Variants in GOLM2 observed in about 807,000 individuals in gnomAD.
GOLM2 encodes protein GOLM2.
A neutral mutation model predicts 55.9 loss-of-function variants in GOLM2; 26 were observed. The observed-to-expected ratio is 0.47, with a 90% CI of 0.34 to 0.65. The LOEUF (loss-of-function observed/expected upper bound fraction) is 0.65, where lower values mean the gene tolerates loss of function less well. Among genes scored for constraint, GOLM2 ranks in the 30% least tolerant of loss-of-function variants. The pLI is 0.01. For missense variants in GOLM2, 486 were observed against 531.8 expected (o/e 0.91, Z 0.85); for synonymous variants, 165 against 194.6 (o/e 0.85, Z 1.27).
At chr15:44,408,974 GCAAA>G (rs1162939974) in intron 9 of GOLM2, among the ~76,000 whole-genome samples, 1 of 151,256 alleles carries the variant, frequency 6.6e-6, no homozygotes, top group Non-Finnish European at 1.5e-5. Flanking sequence ...AAACAAACAA[GCAAA>G]CAAACAAATC....
Position 44,379,792 on chromosome 15 carries a change from T to G in GOLM2, c.901+4T>G. On this transcript the variant is annotated splice_donor_region_variant and intron_variant, in intron 7 of 9. Transcript: ENST00000299957. Reference sequence around the variant, plus strand: ...CTCTCCCCAAATATGCCTCCAGGTATGAAGGCTTATGCTTATAATTCCATT... The same window carrying G: ...CTCTCCCCAAATATGCCTCCAGGTAGGAAGGCTTATGCTTATAATTCCATT... 6.4e-7 allele frequency: 1 copy of G among 1,552,968 alleles called. No homozygotes were observed. Among genetic ancestry groups the G allele is most frequent in the Non-Finnish European group, 8.9e-7 (1 of 1,124,802 alleles).
intron 6 of GOLM2, chr15:44,355,387 C>T (rs896939245): frequency 1.2e-5 from 2 of 168,058 alleles, no homozygotes; most frequent in Non-Finnish European, 2.6e-5. Context: ...TGGCCTTCCT[C>T]GTCCCTACCA....
chr15:44,299,695 C>T (rs1467018119), intron 1 of GOLM2, among the ~76,000 whole-genome samples: 1 of 152,006 alleles, frequency 6.6e-6, no homozygotes, highest in Non-Finnish European at 1.5e-5. Flanking sequence ...TGTTTCTTCA[C>T]TCATAAAATG....
At chr15:44,310,326 A>G (rs1055972790) in intron 1 of GOLM2, among the ~76,000 whole-genome samples, 8 of 151,914 alleles carry the variant, frequency 5.3e-5, no homozygotes, top group Non-Finnish European at 8.8e-5. Flanking sequence ...ATGAAAGGGT[A>G]CTCACAAGAG....
chr15:44,413,237 C>T (rs2079650309), intron 9 of GOLM2, 99 bp from the exon 10 acceptor site: 4 of 780,188 alleles, frequency 5.1e-6, no homozygotes, highest in Non-Finnish European at 8.4e-6. Context: ...AAATAACAAG[C>T]AGGAAACTAC....
chr15:44,413,215 G>T, intron 9 of GOLM2, 121 bp from the exon 10 acceptor site: 1 of 650,244 alleles, frequency 1.5e-6, no homozygotes. Flanking sequence ...AACACTATTT[G>T]TACTAGGTGT....
At chr15:44,392,937 G>T (rs922737751) in intron 8 of GOLM2, among the ~76,000 whole-genome samples, 3 of 152,156 alleles carry the variant, frequency 2.0e-5, no homozygotes, top group Admixed American at 6.6e-5. Context: ...CAAATTTAAT[G>T]ATTAATTCTC....
At chr15:44,341,135 C>T (rs1423328749) in intron 6 of GOLM2, among the ~76,000 whole-genome samples, 1 of 142,210 alleles carries the variant, frequency 7.0e-6, no homozygotes. Context: ...GGCTGGAGTG[C>T]AGTGATGCGA....
Position 44,380,538 on chromosome 15 carries a change from T to C in GOLM2, c.902-268T>C, listed in dbSNP as rs1436068666. 1.3e-5 allele frequency among the ~76,000 whole-genome samples: 2 copies of C among 152,242 alleles called. 1 individual carries two copies. The highest frequency in any genetic ancestry group is 4.1e-4 in the South Asian group (2 of 4,828). Reference sequence around the variant, plus strand: ...TATATTAATCTATGGATTTCTACTGTATATCTTTTTGGTGAATAAGTTTAT... The same window carrying C: ...TATATTAATCTATGGATTTCTACTGCATATCTTTTTGGTGAATAAGTTTAT... On this transcript the variant is annotated intron_variant, in intron 7 of 9. Transcript: ENST00000299957.
At chr15:44,353,011 A>G (rs1296857119) in intron 6 of GOLM2, among the ~76,000 whole-genome samples, 1 of 152,204 alleles carries the variant, frequency 6.6e-6, no homozygotes, top group Non-Finnish European at 1.5e-5. Flanking sequence ...ATCAGACTAT[A>G]TAAGGAGCTC....
chr15:44,359,337 C>T (rs2079220580), intron 6 of GOLM2, among the ~76,000 whole-genome samples: 1 of 151,932 alleles, frequency 6.6e-6, no homozygotes, highest in Admixed American at 6.6e-5. Context: ...CCTGTAATCC[C>T]AGCACTTTGG....
chr15:44,332,566 A>G (rs1249504943), intron 4 of GOLM2, among the ~76,000 whole-genome samples: 1 of 152,146 alleles, frequency 6.6e-6, no homozygotes, highest in Admixed American at 6.5e-5. Context: ...TTTCAAAAAA[A>G]AAAAAAATTT....
intron 6 of GOLM2, among the ~76,000 whole-genome samples, chr15:44,341,024 G>A (rs1166171663): frequency 1.3e-5 from 2 of 148,484 alleles, no homozygotes; most frequent in African/African-American, 5.0e-5. Flanking sequence ...TGTATTATTT[G>A]TGTTTAAATA....
intron 2 of GOLM2, among the ~76,000 whole-genome samples, chr15:44,325,438 TG>T (rs890224873): frequency 6.6e-6 from 1 of 152,166 alleles, no homozygotes; most frequent in African/African-American, 2.4e-5. Context: ...GGAAGCTTTG[TG>T]GGGGGACAGA....
At chr15:44,323,794 A>G (rs143129150) in intron 2 of GOLM2, among the ~76,000 whole-genome samples, 3 of 152,094 alleles carry the variant, frequency 2.0e-5, no homozygotes, top group Non-Finnish European at 4.4e-5. Context: ...GCCTCTTTGG[A>G]TATACTTAGA....
At chr15:44,356,699 T>G (rs1293563625) in intron 6 of GOLM2, among the ~76,000 whole-genome samples, 1 of 152,206 alleles carries the variant, frequency 6.6e-6, no homozygotes, top group African/African-American at 2.4e-5. Flanking sequence ...GAGGGAATAC[T>G]TCCTAATTCA....
rs1216127526 is a variant in GOLM2 at position 44,295,101 on chromosome 15, A to T, written c.327+5745A>T. Among the ~76,000 whole-genome samples, 7 of 143,336 alleles carry T rather than the reference A, an allele frequency of 4.9e-5. No homozygotes were observed. The South Asian group carries it at 6.5e-4, about 13-fold the overall frequency. The allele number at this position is 143,336 out of a possible 152,430, so 94.0% of individuals were successfully genotyped here. ...ATTCCTTTTTTTTTTTTTTTCTGAG[A>T]TGGAGCCTCACTCTGTCACCCAGGC... On this transcript the variant is annotated intron_variant, in intron 1 of 9. Transcript: ENST00000299957.
intron 8 of GOLM2, among the ~76,000 whole-genome samples, chr15:44,394,369 G>A (rs1258347310): frequency 6.6e-6 from 1 of 152,062 alleles, no homozygotes; most frequent in African/African-American, 2.4e-5. Context: ...ATCATAGAGT[G>A]TATCTACACA....
chr15:44,377,314 G>T (rs1261379104), intron 6 of GOLM2, among the ~76,000 whole-genome samples: 2 of 152,204 alleles, frequency 1.3e-5, no homozygotes, highest in African/African-American at 4.8e-5. Flanking sequence ...TGAAGTTGCA[G>T]TGAGTGATGA....
Sources: gnomAD v4.1 joint callset for allele counts (sites outside exome capture counted in the v4.1 genomes callset) on GRCh38, gnomAD v4.1.1 for gene constraint, MANE v1.5 for transcripts, NCBI Gene and HGNC (gene_info 2026-07-23, HGNC 2026-07-21) for gene names.